The following CALHM4 variants were observed in gnomAD, a reference collection of about 807,000 sequenced individuals.
The protein encoded by CALHM4 is calcium homeostasis modulator protein 4.
CALHM4 carries 16 observed loss-of-function variants against 13.3 expected under a neutral mutation model. The ratio of observed to expected loss-of-function variants is 1.20; its 90% confidence interval spans 0.81 to 1.82. The LOEUF is 1.82. CALHM4 is among the 40% of genes most tolerant of loss of function. The pLI, the probability that CALHM4 is intolerant of heterozygous loss-of-function variation, is 0.00. For missense variants in CALHM4, 344 were observed against 374.9 expected, an observed-to-expected ratio of 0.92 and a Z score of 0.68; for synonymous variants, 127 against 137.1, an observed-to-expected ratio of 0.93 and a Z score of 0.52.
In CALHM4 at chr6:116,553,762, C is replaced by T; in HGVS notation, c.-32C>T. 6.5e-7 allele frequency: 1 copy of T among 1,530,934 alleles called. No homozygotes were observed. Among genetic ancestry groups the T allele is most frequent in the Non-Finnish European group, 8.8e-7 (1 of 1,135,336 alleles). The allele number at this position is 1,530,934 out of a possible 1,614,324, so 94.8% of individuals were successfully genotyped here. ...GGTGGAGTCTAATGATCAGAAAGGG[C>T]CACAAGCTGATTTGTGTAACAGCTT... On this transcript the variant is annotated 5_prime_UTR_variant, in exon 1 of 2. Transcript: ENST00000368596.
upstream of CALHM4, among the ~76,000 whole-genome samples, chr6:116,550,437 T>G (rs1288843321): frequency 6.6e-6 from 1 of 152,110 alleles, no homozygotes; most frequent in African/African-American, 2.4e-5. Flanking sequence ...CTGGGTAATC[T>G]CTCCACACCT....
rs1774502033 is a variant in CALHM4 at position 116,559,726 on chromosome 6, GA to G, written c.*1517del. Among the ~76,000 whole-genome samples, 1 of 152,058 alleles carries G rather than the reference GA, an allele frequency of 6.6e-6. No individual in the cohort carries two copies. The highest frequency in any genetic ancestry group is 2.4e-5 in the African/African-American group (1 of 41,406). On this transcript the variant is annotated 3_prime_UTR_variant, in exon 2 of 2. Transcript: ENST00000368596. Reference sequence around the variant, plus strand: ...TTTTACCTCTTGGAAGAAAATAACTGAACTAAATAACTGCTTAAGGTCTCTT... The same window carrying G: ...TTTTACCTCTTGGAAGAAAATAACTGACTAAATAACTGCTTAAGGTCTCTT...
Position 116,554,177 on chromosome 6 carries a change from T to G in CALHM4, c.384T>G (p.Tyr128Ter), listed in dbSNP as rs1352295268. ...WLAVTLLTGT[Y>*]YECAASEFAS... ...CGGTGACCCTGCTGACAGGCACGTA[T>G]TATGAATGTGCAGCAAGTGAATTTG... Residue 128 changes from tyrosine to a stop codon, truncating the protein, a stop_gained, in exon 1 of 2, where the codon TAT becomes TAG. Coordinates refer to ENST00000368596, the MANE Select transcript of CALHM4 (RefSeq NM_001366078.2). LOFTEE classifies it high-confidence loss of function. The G allele has an allele frequency of 6.4e-7, 1 of 1,550,590 alleles. No homozygotes were observed. Among genetic ancestry groups the G allele is most frequent in the Non-Finnish European group, 8.7e-7 (1 of 1,146,988 alleles).
Position 116,544,197 on chromosome 6 carries a change from G to A in CALHM4, c.-1+325G>A, listed in dbSNP as rs966233212. 3.4e-5 allele frequency among the ~76,000 whole-genome samples: 5 copies of A among 146,690 alleles called. No individual in the cohort carries two copies. The South Asian group carries it at 1.1e-3, about 32-fold the overall frequency. On this transcript the variant is annotated intron_variant, in intron 2 of 2. Coordinates refer to the CALHM4 transcript ENST00000368597. Reference sequence around the variant, plus strand: ...AGAGAGAGAGAATGATGAGATTGTTGTGACTAGCAGTAAAACAAAAGAATT... The same window carrying A: ...AGAGAGAGAGAATGATGAGATTGTTATGACTAGCAGTAAAACAAAAGAATT...
chr6:116,556,239 G>A (rs551980951), intron 1 of CALHM4, among the ~76,000 whole-genome samples: 5 of 152,104 alleles, frequency 3.3e-5, no homozygotes, highest in East Asian at 1.9e-4. Flanking sequence ...GTGCTTCCTC[G>A]GGTGCTCTGA....
At chr6:116,556,450 C>A (rs1271909385) in intron 1 of CALHM4, among the ~76,000 whole-genome samples, 1 of 152,170 alleles carries the variant, frequency 6.6e-6, no homozygotes, top group Non-Finnish European at 1.5e-5. Context: ...GGTTAATGGG[C>A]ATCTGAGATG....
upstream of CALHM4, among the ~76,000 whole-genome samples, chr6:116,551,880 C>T (rs1774095663): frequency 6.6e-6 from 1 of 152,132 alleles, no homozygotes; most frequent in Non-Finnish European, 1.5e-5. Flanking sequence ...TTTGGTATGG[C>T]TAGTCTTTAT....
At chr6:116,539,287 T>G (rs963557275) in intron 1 of CALHM4, among the ~76,000 whole-genome samples, 6 of 152,216 alleles carry the variant, frequency 3.9e-5, no homozygotes, top group African/African-American at 1.4e-4. Flanking sequence ...AAAAGGGACT[T>G]TTTTCCCCAG....
intron 1 of CALHM4, chr6:116,543,406 G>C: frequency 6.5e-7 from 1 of 1,544,178 alleles, no homozygotes; most frequent in Non-Finnish European, 8.8e-7. Context: ...TTATTCTGGA[G>C]AAAAAGGGGT....
chr6:116,542,043 T>A (rs1773496357), intron 1 of CALHM4, among the ~76,000 whole-genome samples: 2 of 152,188 alleles, frequency 1.3e-5, no homozygotes, highest in African/African-American at 4.8e-5. Flanking sequence ...ATTTTTGTAG[T>A]CAAATAAGTG....
At chr6:116,541,443 A>G (rs1483652352) in intron 1 of CALHM4, among the ~76,000 whole-genome samples, 1 of 152,208 alleles carries the variant, frequency 6.6e-6, no homozygotes, top group Non-Finnish European at 1.5e-5. Flanking sequence ...ACAAGACACC[A>G]CAGTGTTCAG....
chr6:116,548,686 A>G (rs1045491475), intron 2 of CALHM4, among the ~76,000 whole-genome samples: 2 of 152,248 alleles, frequency 1.3e-5, no homozygotes, highest in African/African-American at 4.8e-5. Flanking sequence ...CAAACCATTC[A>G]GAAGTCAGAG....
chr6:116,542,186 C>T (rs1331398797), intron 1 of CALHM4, among the ~76,000 whole-genome samples: 1 of 152,084 alleles, frequency 6.6e-6, no homozygotes, highest in Non-Finnish European at 1.5e-5. Context: ...CTTAACATTC[C>T]TCACAGCTAT....
At position 116,529,522 on chromosome 6, in the gene CALHM4, G is replaced by A. The variant is rs573968680; in HGVS notation, c.-109+332G>A. Among the ~76,000 whole-genome samples the A allele has an allele frequency of 6.6e-5, 10 of 152,282 alleles. No individual in the cohort carries two copies. The East Asian group carries it at 1.2e-3, about 18-fold the overall frequency. ...TGGTAGACAGAGCACTGTGCTGCTC[G>A]AGGTAAAGTAGATTGGAGCTGAGTG... On this transcript the variant is annotated intron_variant, in intron 1 of 2. Coordinates refer to the CALHM4 transcript ENST00000368597.
At chr6:116,545,028 A>G (rs1470704096) in intron 2 of CALHM4, among the ~76,000 whole-genome samples, 2 of 151,948 alleles carry the variant, frequency 1.3e-5, no homozygotes, top group East Asian at 3.8e-4. Context: ...TAAGACTAGG[A>G]AACATTTTTA....
rs1024870398 is a variant in CALHM4 at position 116,530,623 on chromosome 6, T to C, written c.-109+1433T>C. Among the ~76,000 whole-genome samples, 4 of 152,182 alleles carry C rather than the reference T, an allele frequency of 2.6e-5. No homozygotes were observed. In the East Asian group the frequency reaches 5.8e-4, roughly 22 times the overall value. ...ATAATGTCTGCCCCACTCTTGCTAA[T>C]GGTCTAAAATATTTACTTTGCATTA... On this transcript the variant is annotated intron_variant, in intron 1 of 2. Transcript: ENST00000368597.
chr6:116,537,603 C>G (rs1474510382), intron 1 of CALHM4, among the ~76,000 whole-genome samples: 1 of 152,090 alleles, frequency 6.6e-6, no homozygotes, highest in Admixed American at 6.5e-5. Flanking sequence ...TGAAAGAACT[C>G]TTGTTCTATT....
chr6:116,546,603 TG>T, intron 2 of CALHM4, among the ~76,000 whole-genome samples: 1 of 152,306 alleles, frequency 6.6e-6, no homozygotes, highest in East Asian at 1.9e-4. Context: ...TGTGTGGCAT[TG>T]GGCAAGCCAT....
At chr6:116,543,352 A>G (rs749109693) in intron 1 of CALHM4, 2 of 1,550,048 alleles carry the variant, frequency 1.3e-6, no homozygotes, top group South Asian at 2.4e-5. Context: ...TAATCCTTAC[A>G]CAGCTGGGCA....
Sources: allele counts gnomAD v4.1 joint callset (sites outside exome capture counted in the v4.1 genomes callset), GRCh38; gene constraint gnomAD v4.1.1; transcripts MANE v1.5; gene names NCBI Gene and HGNC (gene_info 2026-07-23, HGNC 2026-07-21).